Variants in STK32B observed in about 807,000 individuals in gnomAD.
STK32B encodes serine/threonine-protein kinase 32B.
STK32B carries 43 observed loss-of-function variants against 52.6 expected under a neutral mutation model. The ratio of observed to expected loss-of-function variants is 0.82; its 90% CI spans 0.64 to 1.05. STK32B has a LOEUF of 1.05. Among genes scored for constraint, STK32B ranks in the 50% least tolerant of loss-of-function variants. The pLI is 0.00. For synonymous variants in STK32B, 238 were observed against 204.3 expected, an observed-to-expected ratio of 1.17 and a Z score of -1.41; for missense variants, 621 against 534.6, an observed-to-expected ratio of 1.16 and a Z score of -1.59.
At chr4:5,233,346 G>T (rs974487261) in intron 3 of STK32B, among the ~76,000 whole-genome samples, 3 of 152,308 alleles carry the variant, frequency 2.0e-5, no homozygotes, top group African/African-American at 7.2e-5. Flanking sequence ...TTCTGTGGAA[G>T]TGTGGCAGAA....
intron 3 of STK32B, among the ~76,000 whole-genome samples, chr4:5,302,926 C>T (rs917630564): frequency 2.0e-5 from 3 of 151,894 alleles, no homozygotes; most frequent in Admixed American, 1.3e-4. Context: ...CTGCAAATGC[C>T]ACTATTCCAT....
At chr4:5,330,850 GTC>G (rs1186127029) in intron 3 of STK32B, among the ~76,000 whole-genome samples, 1 of 152,180 alleles carries the variant, frequency 6.6e-6, no homozygotes, top group Non-Finnish European at 1.5e-5. Context: ...AGGGGAGTGT[GTC>G]TTTGGAGGCT....
chr4:5,191,001 A>C (rs1721155384), intron 3 of STK32B, among the ~76,000 whole-genome samples: 2 of 152,156 alleles, frequency 1.3e-5, no homozygotes, highest in Non-Finnish European at 2.9e-5. Context: ...TGATGCAATC[A>C]AAGTTGTTTG....
In STK32B at chr4:5,347,699, G is replaced by A. The variant is rs549714810; in HGVS notation, c.434+16306G>A. Among the ~76,000 whole-genome samples, 19 of 152,270 alleles carry A rather than the reference G, an allele frequency of 1.2e-4. 1 individual carries two copies. In the South Asian group the frequency reaches 2.7e-3, roughly 22 times the overall value. On this transcript the variant is annotated intron_variant, in intron 4 of 11. Transcript: ENST00000282908. ...GCCTGGTGGGAGATGACTGGATCAT[G>A]GGGGTGGATTTCCTCCTTGCTGTTC...
chr4:5,442,531 A>G (rs1714890739), intron 6 of STK32B, among the ~76,000 whole-genome samples: 1 of 150,602 alleles, frequency 6.6e-6, no homozygotes, highest in South Asian at 2.2e-4. Flanking sequence ...TGAATACAGC[A>G]CACTGATGGG....
At chr4:5,274,886 G>C (rs77609821) in intron 3 of STK32B, among the ~76,000 whole-genome samples, 7,765 of 152,252 alleles carry the variant, frequency 0.051, 283 homozygotes, top group African/African-American at 0.11. Context: ...TCCTGATCCA[G>C]CGAGGCGCCC....
At chr4:5,163,479 A>G (rs1303358876) in intron 2 of STK32B, among the ~76,000 whole-genome samples, 1 of 151,590 alleles carries the variant, frequency 6.6e-6, no homozygotes, top group East Asian at 1.9e-4. Context: ...AGGGCAGGAG[A>G]GGTTGGTGAT....
intron 3 of STK32B, among the ~76,000 whole-genome samples, chr4:5,243,457 A>G (rs1725193651): frequency 2.0e-5 from 3 of 152,200 alleles, no homozygotes; most frequent in Admixed American, 2.0e-4. Flanking sequence ...GAAGTTGCTC[A>G]TCAGCTTAAG....
intron 1 of STK32B, among the ~76,000 whole-genome samples, chr4:5,082,365 G>A (rs1397524551): frequency 6.6e-6 from 1 of 152,192 alleles, no homozygotes; most frequent in African/African-American, 2.4e-5. Context: ...TCAGGGCAGG[G>A]AGAGAGGGAT....
rs536334552 is a variant in STK32B at position 5,056,462 on chromosome 4, A to G, written c.52+4547A>G. The stretch of plus-strand genomic sequence containing the variant: ...TGGTAATTTTTTGGTGAATAAATGA[A>G]TGAGTGAATGAATGAAGGTGTCAAT... On this transcript the variant is annotated intron_variant, in intron 1 of 11. Transcript: ENST00000282908. 9.8e-5 allele frequency among the ~76,000 whole-genome samples: 15 copies of G among 152,332 alleles called. No homozygotes were observed. In the South Asian group the frequency reaches 2.9e-3, roughly 29 times the overall value.
chr4:5,445,130 G>T (rs1407630054), intron 6 of STK32B, among the ~76,000 whole-genome samples: 2 of 152,194 alleles, frequency 1.3e-5, no homozygotes, highest in African/African-American at 4.8e-5. Flanking sequence ...CATGTCCCCG[G>T]AGGCTGTTGT....
Position 5,139,917 on chromosome 4 carries a change from ATTTTC to A in STK32B, c.66_70del (p.His22GlnfsTer8). ...TTTTCTTTTGCAGTCAACTTTGACC[ATTTTC>A]AGATTCTGCGGGCCATTGGTAAAGG... On this transcript the variant is annotated frameshift_variant, in exon 2 of 12. Transcript: ENST00000282908. LOFTEE classifies it high-confidence loss of function. 1 of 1,614,160 alleles carries A rather than the reference ATTTTC, an allele frequency of 6.2e-7. No individual in the cohort carries two copies. The highest frequency in any genetic ancestry group is 8.5e-7 in the Non-Finnish European group (1 of 1,180,018).
rs3072775 is a variant in STK32B, at chr4:5,059,052, C to CTTTTTTTTTTTTTTTTTTTT, written c.52+7147_52+7166dup. Among the ~76,000 whole-genome samples, 134 of 86,914 alleles carry CTTTTTTTTTTTTTTTTTTTT rather than the reference C, an allele frequency of 1.5e-3. 32 individuals carry two copies. The highest frequency in any genetic ancestry group is 2.1e-3 in the Non-Finnish European group (102 of 47,888). 57.0% of individuals were successfully genotyped at this position (86,914 alleles called of 152,430 possible). On this transcript the variant is annotated intron_variant, in intron 1 of 11. Coordinates refer to ENST00000282908, the MANE Select transcript of STK32B (RefSeq NM_018401.3). Reference sequence around the variant, plus strand: ...AGGCGTGAGCCACCACGCCCAGCTGCTTTTTTTTTTTTTTTTTTTTTTTTT... The same window carrying CTTTTTTTTTTTTTTTTTTTT: ...AGGCGTGAGCCACCACGCCCAGCTGCTTTTTTTTTTTTTTTTTTTTTTTTTTTTTTTTTTTTTTTTTTTTT...
intron 3 of STK32B, among the ~76,000 whole-genome samples, chr4:5,302,390 T>A (rs1729624461): frequency 6.6e-6 from 1 of 152,058 alleles, no homozygotes; most frequent in Non-Finnish European, 1.5e-5. Context: ...TAGAAATCTG[T>A]CTACCCTAAA....
chr4:5,205,868 A>G (rs1356438304), intron 3 of STK32B, among the ~76,000 whole-genome samples: 1 of 152,096 alleles, frequency 6.6e-6, no homozygotes, highest in Non-Finnish European at 1.5e-5. Flanking sequence ...TCCTCCTTGC[A>G]TCTCAGGTTA....
chr4:5,168,417 A>G lies in STK32B; in HGVS notation c.227A>G (p.Gln76Arg), dbSNP rs146725950. ...RNVFRELQIM[Q>R]GLEHPFLVNL... ...GTTTTCCGGGAGCTGCAGATCATGC[A>G]AGGGCTGGAGCACCCCTTCCTGGTC... Residue 76 changes from glutamine (Q) to arginine (R), a missense_variant, in exon 3 of 12, where the codon CAA becomes CGA. By Grantham distance (43) the Gln-to-Arg change is conservative. Transcript: ENST00000282908. 1.2e-6 allele frequency: 2 copies of G among 1,613,698 alleles called. No homozygotes were observed. The highest frequency in any genetic ancestry group is 1.3e-5 in the African/African-American group (1 of 74,864).
chr4:5,189,450 G>A (rs910411640), intron 3 of STK32B, among the ~76,000 whole-genome samples: 13 of 152,096 alleles, frequency 8.5e-5, no homozygotes, highest in East Asian at 3.9e-4. Context: ...AGCAATATGC[G>A]TTTTAGTTTT....
intron 3 of STK32B, among the ~76,000 whole-genome samples, chr4:5,298,339 A>C (rs1477888915): frequency 6.6e-6 from 1 of 152,194 alleles, no homozygotes; most frequent in Non-Finnish European, 1.5e-5. Flanking sequence ...TGCTGTCTTC[A>C]GAGCTGACAG....
In STK32B at chr4:5,486,030, G is replaced by A. The variant is rs183523087; in HGVS notation, c.1107-12915G>A. Among the ~76,000 whole-genome samples the A allele has an allele frequency of 5.8e-3, 885 of 152,306 alleles. 13 individuals carry two copies. The highest frequency in any genetic ancestry group is 0.021 in the African/African-American group (854 of 41,570). ...GTGCCTCCCAGTTAGGCTACTCGGG[G>A]ATCAGGGACCCACTTGAGGAGGCAG... On this transcript the variant is annotated intron_variant, in intron 11 of 11. Transcript: ENST00000282908.
Sources: allele counts gnomAD v4.1 joint callset (sites outside exome capture counted in the v4.1 genomes callset), GRCh38; gene constraint gnomAD v4.1.1; transcripts MANE v1.5; gene names NCBI Gene and HGNC (gene_info 2026-07-23, HGNC 2026-07-21).